Variants in VPS53 observed in about 807,000 individuals in gnomAD.
VPS53 encodes vacuolar protein sorting-associated protein 53 homolog.
In VPS53, 70 loss-of-function variants were observed where a neutral mutation model predicts 107.0. That is an observed-to-expected ratio of 0.65 (90% CI 0.54 to 0.80). The LOEUF (loss-of-function observed/expected upper bound fraction) is 0.80, where lower values mean the gene tolerates loss of function less well. Among genes scored for constraint, VPS53 ranks in the 30% least tolerant of loss-of-function variants. The pLI, the probability that VPS53 is intolerant of heterozygous loss-of-function variation, is 0.00. For synonymous variants in VPS53, 409 were observed against 393.3 expected (o/e 1.04, Z -0.47); for missense variants, 917 against 1,049.4 (o/e 0.87, Z 1.74).
In VPS53 at chr17:537,075, C is replaced by T; in HGVS notation, c.1968G>A (p.Leu656=). Residue 656 remains leucine, a synonymous_variant, in exon 18 of 22, where the codon CTG becomes CTA. Coordinates refer to ENST00000437048, the MANE Select transcript of VPS53 (RefSeq NM_001128159.3). ...KQNVPIIRDN[L]ASTRKYFTQF... is the part of the protein sequence containing the mutation. ...GAGTGAAGTACTTGCGTGTGGAAGC[C>T]AGGTTGTCACGGATGATGGGGACGT... 6.2e-7 allele frequency: 1 copy of T among 1,614,128 alleles called. No individual in the cohort carries two copies. The highest frequency in any genetic ancestry group is 1.1e-5 in the South Asian group (1 of 91,088).
intron 7 of VPS53, 55 bp downstream of exon 7, chr17:653,236 G>A: frequency 6.3e-7 from 1 of 1,593,976 alleles, no homozygotes. Flanking sequence ...TTACCTTTCG[G>A]AAAGCTGCCG....
chr17:664,357 C>T (rs1274884850), intron 4 of VPS53, among the ~76,000 whole-genome samples: 1 of 152,068 alleles, frequency 6.6e-6, no homozygotes, highest in Non-Finnish European at 1.5e-5. Context: ...GGATTACAGA[C>T]GTGAGCCGCC....
chr17:694,440 A>C (rs1567745414), intron 4 of VPS53, among the ~76,000 whole-genome samples: 1 of 152,202 alleles, frequency 6.6e-6, no homozygotes, highest in Non-Finnish European at 1.5e-5. Context: ...TCTATTATGC[A>C]CAGCATGACC....
chr17:699,125 C>T (rs368758638), intron 3 of VPS53, among the ~76,000 whole-genome samples: 1 of 152,004 alleles, frequency 6.6e-6, no homozygotes, highest in Admixed American at 6.6e-5. Flanking sequence ...CAAGATCACA[C>T]CATTGCACTC....
At chr17:573,171 T>C (rs1914323272) in intron 13 of VPS53, among the ~76,000 whole-genome samples, 1 of 152,222 alleles carries the variant, frequency 6.6e-6, no homozygotes. Context: ...GAGTCACCAG[T>C]AACTTCCCTG....
intron 8 of VPS53, among the ~76,000 whole-genome samples, chr17:629,877 T>A (rs1969879402): frequency 6.7e-6 from 1 of 150,340 alleles, no homozygotes; most frequent in Admixed American, 6.6e-5. Flanking sequence ...AAGGGAGGCA[T>A]GTTGTTAAAG....
At chr17:538,828 A>G (rs1910335522) in intron 17 of VPS53, 3 of 152,268 alleles carry the variant, frequency 2.0e-5, no homozygotes, top group African/African-American at 7.2e-5. Flanking sequence ...AGAAAGGTCT[A>G]ATATGAAGTG....
intron 12 of VPS53, among the ~76,000 whole-genome samples, chr17:597,172 A>T (rs1968015347): frequency 6.6e-6 from 1 of 152,208 alleles, no homozygotes; most frequent in Non-Finnish European, 1.5e-5. Context: ...AGCGAGGCGT[A>T]AACTGCAGTA....
intron 17 of VPS53, 50 bp downstream of exon 17, chr17:551,822 C>T: frequency 6.6e-7 from 1 of 1,504,192 alleles, no homozygotes; most frequent in South Asian, 1.3e-5. Context: ...GTAGAAGCCA[C>T]CTTGGGCTGC....
At chr17:668,391 C>T (rs2279890) in intron 4 of VPS53, among the ~76,000 whole-genome samples, 14,515 of 152,184 alleles carry the variant, frequency 0.095, 807 homozygotes, top group East Asian at 0.21. Flanking sequence ...GAGGCTACCG[C>T]TCTGAATAAG....
Position 520,075 on chromosome 17 carries a change from C to G in VPS53, c.2224-145G>C, listed in dbSNP as rs1273553228. The G allele has an allele frequency of 1.6e-6, 1 of 624,546 alleles. No individual in the cohort carries two copies. The highest frequency in any genetic ancestry group is 2.8e-6 in the Non-Finnish European group (1 of 351,594). 38.7% of individuals were successfully genotyped at this position (624,546 alleles called of 1,614,324 possible). ...CAGGAAAACTCACTCCTCACTTGCC[C>G]GCCGAGCGCTAAATGGATTCTGAGA... On this transcript the variant is annotated intron_variant, in intron 20 of 21. Coordinates refer to ENST00000437048, the MANE Select transcript of VPS53 (RefSeq NM_001128159.3). The surrounding 1 kb of genome is among the most constrained non-coding windows in gnomAD (Gnocchi z 4.4).
At chr17:526,504 G>A (rs565716896) in intron 19 of VPS53, among the ~76,000 whole-genome samples, 15 of 152,328 alleles carry the variant, frequency 9.8e-5, no homozygotes, top group African/African-American at 2.9e-4. Context: ...CAGAAAAGGC[G>A]GGAATGAGCC....
intron 12 of VPS53, among the ~76,000 whole-genome samples, chr17:597,164 C>T (rs897005118): frequency 2.6e-5 from 4 of 152,126 alleles, no homozygotes; most frequent in African/African-American, 7.2e-5. Flanking sequence ...TTCTCAGCAG[C>T]GAGGCGTAAA....
intron 12 of VPS53, among the ~76,000 whole-genome samples, chr17:596,862 G>A (rs1178295603): frequency 2.0e-5 from 3 of 152,192 alleles, no homozygotes; most frequent in Non-Finnish European, 1.5e-5. Flanking sequence ...AGCTGAAGAT[G>A]TTTAAGCTAT....
At chr17:607,719 T>A (rs886974986) in intron 11 of VPS53, among the ~76,000 whole-genome samples, 1 of 152,236 alleles carries the variant, frequency 6.6e-6, no homozygotes, top group Non-Finnish European at 1.5e-5. Context: ...GAATTCATTC[T>A]TTTTGCTATG....
chr17:668,363 T>C (rs1484559680), intron 4 of VPS53, among the ~76,000 whole-genome samples: 1 of 152,190 alleles, frequency 6.6e-6, no homozygotes, highest in Non-Finnish European at 1.5e-5. Context: ...ATGGTGCACC[T>C]GTAAGAGTGC....
intron 4 of VPS53, among the ~76,000 whole-genome samples, chr17:662,143 C>A (rs776475571): frequency 2.0e-5 from 3 of 152,204 alleles, no homozygotes; most frequent in Non-Finnish European, 4.4e-5. Flanking sequence ...TGATTCCCCT[C>A]TACCTCAGTC....
rs1913299533 is a variant in VPS53, at chr17:564,426, G to T, written c.1314-1681C>A. ...ATGATGGCGGGTGCCCGTAGTCCCAGCTACTTCAGAGGCTGAGGCAGGAGA... is the reference window on the plus strand; with the variant it reads ...ATGATGGCGGGTGCCCGTAGTCCCATCTACTTCAGAGGCTGAGGCAGGAGA... On this transcript the variant is annotated intron_variant, in intron 13 of 21. Coordinates refer to ENST00000437048, the MANE Select transcript of VPS53 (RefSeq NM_001128159.3). 1.3e-5 allele frequency among the ~76,000 whole-genome samples: 2 copies of T among 151,990 alleles called. 1 individual carries two copies. The highest frequency in any genetic ancestry group is 4.1e-4 in the South Asian group (2 of 4,822).
intron 17 of VPS53, among the ~76,000 whole-genome samples, chr17:547,174 GC>G (rs1238155466): frequency 6.6e-6 from 1 of 152,144 alleles, no homozygotes; most frequent in African/African-American, 2.4e-5. Context: ...ACCACGCCTG[GC>G]CTTTAGGTAC....
Sources: gnomAD v4.1 joint callset for allele counts (sites outside exome capture counted in the v4.1 genomes callset) on GRCh38, gnomAD v4.1.1 for gene constraint, Gnocchi (gnomAD v3.1) non-coding constraint, MANE v1.5 for transcripts, NCBI Gene and HGNC (gene_info 2026-07-23, HGNC 2026-07-21) for gene names.